Variants in CDK6 observed in about 807,000 individuals in gnomAD.
CDK6 encodes the protein cyclin dependent kinase 6.
CDK6 carries 6 observed loss-of-function variants against 37.1 expected under a neutral mutation model. The ratio of observed to expected loss-of-function variants is 0.16; its 90% CI spans 0.09 to 0.32. The LOEUF is 0.32. Among genes scored for constraint, CDK6 ranks in the 10% least tolerant of loss-of-function variants. The probability of loss-of-function intolerance (pLI) is 1.00; values close to 1 mark genes in which losing one functional copy is unlikely to be tolerated. For missense variants in CDK6, 224 were observed against 418.9 expected (o/e 0.53, Z 4.06); for synonymous variants, 160 against 161.3 (o/e 0.99, Z 0.06).
intron 4 of CDK6, among the ~76,000 whole-genome samples, chr7:92,716,490 T>C (rs1266640961): frequency 2.0e-5 from 3 of 152,200 alleles, no homozygotes; most frequent in Admixed American, 2.0e-4. Context: ...CTGTAGGAAA[T>C]GCTAAAATAC....
chr7:92,662,003 A>C (rs1458501000), intron 5 of CDK6, among the ~76,000 whole-genome samples: 1 of 152,164 alleles, frequency 6.6e-6, no homozygotes, highest in Non-Finnish European at 1.5e-5. Context: ...GGAAGGAGAA[A>C]GACTAGGGGA....
chr7:92,639,665 C>T (rs1038463276), intron 5 of CDK6, among the ~76,000 whole-genome samples: 5 of 152,112 alleles, frequency 3.3e-5, no homozygotes, highest in African/African-American at 7.2e-5. Flanking sequence ...TTTGTTGTTT[C>T]GTTGTTATGG....
intron 5 of CDK6, among the ~76,000 whole-genome samples, chr7:92,647,384 A>G (rs1447038316): frequency 1.3e-5 from 2 of 152,234 alleles, no homozygotes; most frequent in Non-Finnish European, 2.9e-5. Context: ...TTAAGGAAAT[A>G]ACATTTAAGA....
At chr7:92,794,596 G>A (rs1018187227) in intron 2 of CDK6, among the ~76,000 whole-genome samples, 6 of 152,014 alleles carry the variant, frequency 3.9e-5, no homozygotes, top group African/African-American at 9.7e-5. Flanking sequence ...ATCTGGTGAC[G>A]TCCCTACTGA....
intron 2 of CDK6, among the ~76,000 whole-genome samples, chr7:92,775,803 TA>T (rs3731300): frequency 6.6e-5 from 10 of 152,098 alleles, no homozygotes; most frequent in Admixed American, 3.3e-4. Flanking sequence ...CTTTAATTTT[TA>T]AAAAAAATTG....
At chr7:92,683,317 C>T (rs1797377127) in intron 4 of CDK6, among the ~76,000 whole-genome samples, 3 of 152,198 alleles carry the variant, frequency 2.0e-5, no homozygotes. Context: ...CCTCTAAGGT[C>T]CGTGCCTTCT....
chr7:92,725,289 T>C (rs967071334), intron 4 of CDK6: 10 of 985,328 alleles, frequency 1.0e-5, no homozygotes, highest in Non-Finnish European at 1.2e-5. Flanking sequence ...TCCCTGACCT[T>C]GAGCTGTGTG....
intron 2 of CDK6, among the ~76,000 whole-genome samples, chr7:92,805,159 G>A (rs1321274062): frequency 3.3e-5 from 5 of 152,160 alleles, no homozygotes; most frequent in African/African-American, 1.2e-4. Flanking sequence ...CATACTAAGA[G>A]GGGCATGGCT....
At chr7:92,775,866 G>A (rs867570474) in intron 2 of CDK6, among the ~76,000 whole-genome samples, 2 of 152,082 alleles carry the variant, frequency 1.3e-5, no homozygotes, top group Middle Eastern at 3.2e-3. Context: ...TCCAATAACT[G>A]ATGCACAGGG....
rs887399639 is a variant in CDK6, at chr7:92,835,799, G to A, written c.-368+679C>T. ...CGGACGGGCGCGCTGCGGGGACCAG[G>A]GCTGCTCACTGCGGGGCGTGTGTTT... On this transcript the variant is annotated intron_variant, in intron 1 of 7. Coordinates refer to ENST00000424848, the MANE Select transcript of CDK6 (RefSeq NM_001145306.2). The surrounding 1 kb of genome is among the most constrained non-coding windows in gnomAD (Gnocchi z 4.2). 1.2e-4 allele frequency among the ~76,000 whole-genome samples: 19 copies of A among 152,214 alleles called. No individual in the cohort carries two copies. The highest frequency in any genetic ancestry group is 4.6e-4 in the African/African-American group (19 of 41,458).
intron 3 of CDK6, among the ~76,000 whole-genome samples, chr7:92,747,214 T>A (rs768362538): frequency 2.0e-5 from 3 of 152,212 alleles, no homozygotes; most frequent in Non-Finnish European, 2.9e-5. Context: ...CCAAGTCCTG[T>A]CAAGTCTTCT....
At chr7:92,686,261 T>C (rs1333403642) in intron 4 of CDK6, among the ~76,000 whole-genome samples, 1 of 152,138 alleles carries the variant, frequency 6.6e-6, no homozygotes, top group African/African-American at 2.4e-5. Flanking sequence ...ACCCAATGTG[T>C]AGTCTTTTAT....
intron 2 of CDK6, among the ~76,000 whole-genome samples, chr7:92,831,975 C>A (rs1197554181): frequency 2.6e-5 from 4 of 152,214 alleles, no homozygotes; most frequent in Non-Finnish European, 4.4e-5. Flanking sequence ...TGCTTATTTA[C>A]ATCATTTCAT....
At chr7:92,775,388 T>C (rs2115789813) in intron 2 of CDK6, among the ~76,000 whole-genome samples, 1 of 152,352 alleles carries the variant, frequency 6.6e-6, no homozygotes, top group South Asian at 2.1e-4. Flanking sequence ...GGAAAGGGCA[T>C]ACATTCTTAG....
Position 92,611,076 on chromosome 7 carries a change from A to G in CDK6, c.*4064T>C, listed in dbSNP as rs1020802898. The G allele has an allele frequency of 1.3e-5, 3 of 225,876 alleles. No homozygotes were observed. Among genetic ancestry groups the G allele is most frequent in the Admixed American group, 5.7e-5 (1 of 17,528 alleles). The allele number at this position is 225,876 out of a possible 1,614,324, so 14.0% of individuals were successfully genotyped here. ...TACAATATATTTGTTCATAAAGAAT[A>G]TATCCTTCAAAATATATATAGCTTT... On this transcript the variant is annotated 3_prime_UTR_variant, in exon 8 of 8. Coordinates refer to ENST00000424848, the MANE Select transcript of CDK6 (RefSeq NM_001145306.2).
intron 2 of CDK6, among the ~76,000 whole-genome samples, chr7:92,821,749 T>C (rs1170707745): frequency 6.6e-6 from 1 of 151,640 alleles, no homozygotes; most frequent in Non-Finnish European, 1.5e-5. Flanking sequence ...TTTATTGCTA[T>C]GTAATAATAT....
At chr7:92,616,413 T>C (rs761052406) in intron 7 of CDK6, among the ~76,000 whole-genome samples, 8 of 152,170 alleles carry the variant, frequency 5.3e-5, no homozygotes, top group Non-Finnish European at 1.0e-4. Flanking sequence ...TCCTCTGAAA[T>C]CTGATTTATC....
At chr7:92,740,883 C>T (rs1798908661) in intron 3 of CDK6, among the ~76,000 whole-genome samples, 1 of 152,060 alleles carries the variant, frequency 6.6e-6, no homozygotes, top group African/African-American at 2.4e-5. Context: ...TACACGTGGC[C>T]CCTCTGCAAC....
At chr7:92,759,514 A>T (rs184050882) in intron 3 of CDK6, among the ~76,000 whole-genome samples, 127 of 151,956 alleles carry the variant, frequency 8.4e-4, no homozygotes, top group African/African-American at 2.1e-3. Flanking sequence ...TATTTTTTTT[A>T]AAAAATGTGT....
Sources: gnomAD v4.1 joint callset for allele counts (sites outside exome capture counted in the v4.1 genomes callset) on GRCh38, gnomAD v4.1.1 for gene constraint, Gnocchi (gnomAD v3.1) non-coding constraint, MANE v1.5 for transcripts, NCBI Gene and HGNC (gene_info 2026-07-23, HGNC 2026-07-21) for gene names.